The following CNTN5 variants were observed in gnomAD, a reference collection of about 807,000 sequenced individuals.
The protein encoded by CNTN5 is contactin-5.
In CNTN5, 77 loss-of-function variants were observed where a neutral mutation model predicts 129.1. That is an observed-to-expected ratio of 0.60 (90% CI 0.50 to 0.72). The LOEUF (loss-of-function observed/expected upper bound fraction) is 0.72. CNTN5 is among the 30% of genes least tolerant of loss of function. The probability of loss-of-function intolerance (pLI) is 0.00; values close to 1 mark genes in which losing one functional copy is unlikely to be tolerated. For synonymous variants in CNTN5, 509 were observed against 465.6 expected (o/e 1.09, Z -1.20); for missense variants, 1,478 against 1,328.8 (o/e 1.11, Z -1.75).
intron 3 of CNTN5, among the ~76,000 whole-genome samples, chr11:99,598,329 C>T (rs113945883): frequency 0.33 from 4,121 of 12,346 alleles, 933 homozygotes; most frequent in Non-Finnish European, 0.41. Context: ...CTTTTCTGTC[C>T]CTCTCTCTCT....
chr11:99,558,041 G>A (rs1448871605), intron 3 of CNTN5, among the ~76,000 whole-genome samples: 3 of 151,766 alleles, frequency 2.0e-5, no homozygotes, highest in Non-Finnish European at 4.4e-5. Context: ...AAGGAAAAAG[G>A]ATACCTCTAT....
chr11:100,300,097 A>T (rs1273825890), intron 20 of CNTN5, among the ~76,000 whole-genome samples: 1 of 151,506 alleles, frequency 6.6e-6, no homozygotes, highest in Non-Finnish European at 1.5e-5. Context: ...GATAGAACTC[A>T]TAGGTAGGCA....
intron 1 of CNTN5, among the ~76,000 whole-genome samples, chr11:99,034,226 C>T (rs1470942219): frequency 6.6e-6 from 1 of 152,024 alleles, no homozygotes; most frequent in Non-Finnish European, 1.5e-5. Context: ...TGGTCTAAAA[C>T]TCTCTTTTTT....
Position 99,293,614 on chromosome 11 carries a change from C to G in CNTN5, c.-209-31732C>G, listed in dbSNP as rs370465962. The stretch of plus-strand genomic sequence containing the variant: ...ATCTCATTGTTCATTATAGTCTGTT[C>G]AAGTTTTCTATTTTGTCATGGTTTA... On this transcript the variant is annotated intron_variant, in intron 1 of 24. Coordinates refer to ENST00000524871, the MANE Select transcript of CNTN5 (RefSeq NM_014361.4). 2.2e-4 allele frequency among the ~76,000 whole-genome samples: 34 copies of G among 152,098 alleles called. No individual in the cohort carries two copies. In the East Asian group the frequency reaches 4.4e-3, roughly 20 times the overall value.
intron 7 of CNTN5, among the ~76,000 whole-genome samples, chr11:99,930,890 G>A (rs1377191774): frequency 2.6e-5 from 4 of 151,726 alleles, no homozygotes; most frequent in Non-Finnish European, 5.9e-5. Flanking sequence ...TAGAAGCCAG[G>A]CAACATAGAC....
intron 16 of CNTN5, among the ~76,000 whole-genome samples, chr11:100,237,495 A>G (rs1035020849): frequency 6.6e-6 from 1 of 152,200 alleles, no homozygotes; most frequent in African/African-American, 2.4e-5. Flanking sequence ...GTTAATTGGA[A>G]GAAACTTTTG....
intron 13 of CNTN5, among the ~76,000 whole-genome samples, chr11:100,145,561 G>T (rs1946824788): frequency 6.6e-6 from 1 of 152,104 alleles, no homozygotes; most frequent in Non-Finnish European, 1.5e-5. Context: ...TACCTAATAG[G>T]TTTCCTTAAT....
At position 99,032,054 on chromosome 11, in the gene CNTN5, A is replaced by G. The variant is rs1863413899; in HGVS notation, c.-210+10784A>G. ...TTCTTGCGATAGTTTACTGAGAATG[A>G]TGACTTCCAATTTCATCCACGTCCC... On this transcript the variant is annotated intron_variant, in intron 1 of 24. Coordinates refer to ENST00000524871, the MANE Select transcript of CNTN5 (RefSeq NM_014361.4). Among the ~76,000 whole-genome samples the G allele has an allele frequency of 2.6e-5, 4 of 151,856 alleles. No homozygotes were observed. In the South Asian group the frequency reaches 8.3e-4, roughly 32 times the overall value.
chr11:99,743,330 T>A (rs1304414126), intron 3 of CNTN5, among the ~76,000 whole-genome samples: 3 of 152,184 alleles, frequency 2.0e-5, no homozygotes, highest in Admixed American at 2.0e-4. Flanking sequence ...TCACAAATGA[T>A]GAATCTAATG....
intron 6 of CNTN5, among the ~76,000 whole-genome samples, chr11:99,885,291 AAAAG>A (rs1247492681): frequency 2.6e-5 from 4 of 152,176 alleles, no homozygotes; most frequent in Non-Finnish European, 5.9e-5. Context: ...CAAAATAAAA[AAAAG>A]AAAAAGAAAG....
intron 2 of CNTN5, among the ~76,000 whole-genome samples, chr11:99,503,711 T>C (rs187146484): frequency 8.7e-4 from 132 of 152,282 alleles, no homozygotes; most frequent in Non-Finnish European, 1.5e-3. Context: ...ATAATTGACA[T>C]ATAGATGGGT....
chr11:99,718,456 T>C (rs539907213), intron 3 of CNTN5, among the ~76,000 whole-genome samples: 3 of 152,270 alleles, frequency 2.0e-5, no homozygotes, highest in South Asian at 4.1e-4. Context: ...GATTCTGATA[T>C]ATGGCCAATT....
chr11:99,689,530 G>GAAAAAAA (rs368912453), intron 3 of CNTN5, among the ~76,000 whole-genome samples: 6 of 92,908 alleles, frequency 6.5e-5, no homozygotes, highest in African/African-American at 8.4e-5. Flanking sequence ...CCTCAAAAAA[G>GAAAAAAA]AAAAAAAAAA....
chr11:99,807,806 A>C (rs1946318312), intron 3 of CNTN5, among the ~76,000 whole-genome samples: 1 of 152,246 alleles, frequency 6.6e-6, no homozygotes. Context: ...ATGAAGATAA[A>C]TCCAAGTTTG....
chr11:99,406,512 C>T (rs185221437), intron 2 of CNTN5, among the ~76,000 whole-genome samples: 4 of 152,178 alleles, frequency 2.6e-5, no homozygotes, highest in South Asian at 2.1e-4. Flanking sequence ...TAAGCCAGCA[C>T]GGTATTGAGT....
intron 13 of CNTN5, among the ~76,000 whole-genome samples, chr11:100,180,013 C>G (rs1222840000): frequency 6.6e-6 from 1 of 152,002 alleles, no homozygotes; most frequent in Non-Finnish European, 1.5e-5. Context: ...TACAAAAACT[C>G]TTCCAGAGAT....
At chr11:99,931,750 C>A (rs577480365) in intron 7 of CNTN5, among the ~76,000 whole-genome samples, 2 of 152,134 alleles carry the variant, frequency 1.3e-5, no homozygotes, top group South Asian at 4.2e-4. Flanking sequence ...AGTTAGTGTG[C>A]AATATTTGCT....
At chr11:100,262,495 G>A (rs991111593) in intron 17 of CNTN5, among the ~76,000 whole-genome samples, 2 of 152,190 alleles carry the variant, frequency 1.3e-5, no homozygotes, top group African/African-American at 4.8e-5. Context: ...GAACATGTAT[G>A]TTTACTGCAG....
chr11:99,021,609 A>C (rs981665132), intron 1 of CNTN5, among the ~76,000 whole-genome samples: 1 of 152,214 alleles, frequency 6.6e-6, no homozygotes, highest in Non-Finnish European at 1.5e-5. Flanking sequence ...ATGTTTCTAC[A>C]AAAGAAACTA....
Sources: allele counts gnomAD v4.1 joint callset (sites outside exome capture counted in the v4.1 genomes callset), GRCh38; gene constraint gnomAD v4.1.1; transcripts MANE v1.5; gene names NCBI Gene and HGNC (gene_info 2026-07-23, HGNC 2026-07-21).